The following LASP1 variants were observed in gnomAD, a reference collection of about 807,000 sequenced individuals.
LASP1 encodes LIM and SH3 domain protein 1.
In LASP1, 10 loss-of-function variants were observed where a neutral mutation model predicts 38.6. The observed-to-expected ratio is 0.26, with a 90% CI of 0.16 to 0.44. LASP1 has a LOEUF of 0.44. LASP1 is among the 20% of genes least tolerant of loss of function. The probability of loss-of-function intolerance (pLI) is 1.00; values close to 1 mark genes in which losing one functional copy is unlikely to be tolerated. For synonymous variants in LASP1, 132 were observed against 140.8 expected (o/e 0.94, Z 0.44); for missense variants, 243 against 375.7 (o/e 0.65, Z 2.92).
At chr17:38,904,132 C>T (rs1386360842) in intron 4 of LASP1, among the ~76,000 whole-genome samples, 1 of 152,110 alleles carries the variant, frequency 6.6e-6, no homozygotes, top group Admixed American at 6.5e-5. Context: ...GGCAGGTATA[C>T]CATACATTGT....
intron 2 of LASP1, among the ~76,000 whole-genome samples, chr17:38,889,066 G>A (rs1250542619): frequency 6.6e-6 from 1 of 152,184 alleles, no homozygotes; most frequent in Non-Finnish European, 1.5e-5. Context: ...GTGAGAATTC[G>A]GTGAACTAGG....
At chr17:38,916,989 G>A (rs578093546) in intron 6 of LASP1, among the ~76,000 whole-genome samples, 37 of 152,332 alleles carry the variant, frequency 2.4e-4, no homozygotes, top group African/African-American at 8.7e-4. Flanking sequence ...AAAGTTCAGG[G>A]AGCAGCAGGA....
At chr17:38,884,687 CTTTT>C (rs1202417090) in intron 2 of LASP1, among the ~76,000 whole-genome samples, 2 of 102,916 alleles carry the variant, frequency 1.9e-5, no homozygotes, top group Admixed American at 2.1e-4. Flanking sequence ...CCACGTCCGG[CTTTT>C]TTTTTTTTTT....
At chr17:38,873,456 C>T (rs1913667519) in intron 1 of LASP1, among the ~76,000 whole-genome samples, 1 of 152,190 alleles carries the variant, frequency 6.6e-6, no homozygotes, top group Non-Finnish European at 1.5e-5. Context: ...GGCTCATCTC[C>T]CTCTCTTAGA....
intron 2 of LASP1, among the ~76,000 whole-genome samples, chr17:38,880,928 ACTCGT>A (rs1400683034): frequency 2.6e-5 from 4 of 151,930 alleles, no homozygotes; most frequent in Non-Finnish European, 5.9e-5. Context: ...ACATGGTGAA[ACTCGT>A]CTCTACTAAA....
chr17:38,885,135 T>C (rs975545604), intron 2 of LASP1, among the ~76,000 whole-genome samples: 4 of 152,170 alleles, frequency 2.6e-5, no homozygotes, highest in African/African-American at 9.7e-5. Context: ...AAGCACATCT[T>C]TCCCCAGAAC....
At chr17:38,882,876 C>T (rs1913995748) in intron 2 of LASP1, among the ~76,000 whole-genome samples, 1 of 152,146 alleles carries the variant, frequency 6.6e-6, no homozygotes, top group African/African-American at 2.4e-5. Flanking sequence ...CACCTTTCCC[C>T]TCTTCTCTGA....
At chr17:38,897,203 A>G (rs1914513703) in intron 3 of LASP1, 8 of 507,590 alleles carry the variant, frequency 1.6e-5, no homozygotes, top group Non-Finnish European at 2.0e-5. Context: ...CACATGGATG[A>G]GTGACTGGGG....
At chr17:38,894,708 C>A (rs1288650162) in intron 3 of LASP1, among the ~76,000 whole-genome samples, 1 of 152,084 alleles carries the variant, frequency 6.6e-6, no homozygotes, top group African/African-American at 2.4e-5. Context: ...ATCAGCTCTC[C>A]TCTCCATCTG....
intron 4 of LASP1, among the ~76,000 whole-genome samples, chr17:38,905,571 G>A (rs1222905229): frequency 6.8e-6 from 1 of 147,388 alleles, no homozygotes; most frequent in East Asian, 2.0e-4. Context: ...TCAACTTTAC[G>A]AGATAATGCG....
At chr17:38,901,794 C>T (rs942207097) in intron 4 of LASP1, among the ~76,000 whole-genome samples, 3 of 152,086 alleles carry the variant, frequency 2.0e-5, no homozygotes, top group Non-Finnish European at 2.9e-5. Context: ...GAGACGGAGC[C>T]TTGGTTTATC....
intron 2 of LASP1, among the ~76,000 whole-genome samples, chr17:38,883,540 C>G (rs1914012129): frequency 2.0e-5 from 3 of 152,068 alleles, no homozygotes; most frequent in African/African-American, 7.3e-5. Flanking sequence ...AATGGCCAGC[C>G]CAAGTAGCCA....
chr17:38,913,265 G>C (rs536726774), intron 4 of LASP1, among the ~76,000 whole-genome samples: 5 of 152,322 alleles, frequency 3.3e-5, no homozygotes, highest in Admixed American at 2.0e-4. Flanking sequence ...GTGGTCCTGA[G>C]GGATATGACT....
At chr17:38,911,574 G>A (rs902955885) in intron 4 of LASP1, among the ~76,000 whole-genome samples, 2 of 152,200 alleles carry the variant, frequency 1.3e-5, no homozygotes, top group African/African-American at 4.8e-5. Context: ...GTGCTGCTGA[G>A]GGAGTGGGCT....
At chr17:38,909,531 C>T (rs1457701984) in intron 4 of LASP1, among the ~76,000 whole-genome samples, 9 of 151,760 alleles carry the variant, frequency 5.9e-5, no homozygotes, top group South Asian at 4.2e-4. Context: ...CACTTGAACC[C>T]GGGAGGCAGA....
intron 2 of LASP1, among the ~76,000 whole-genome samples, chr17:38,887,323 C>G (rs561161619): frequency 2.0e-5 from 3 of 152,054 alleles, no homozygotes; most frequent in Non-Finnish European, 4.4e-5. Context: ...AGGGTCGTCT[C>G]GTCTCTGAAG....
intron 1 of LASP1, among the ~76,000 whole-genome samples, chr17:38,875,364 A>G (rs1913739387): frequency 7.0e-6 from 1 of 142,044 alleles, no homozygotes; most frequent in Non-Finnish European, 1.5e-5. Context: ...TGGGGTATGC[A>G]CCACTTCAGG....
intron 4 of LASP1, among the ~76,000 whole-genome samples, chr17:38,913,141 A>G (rs687255): frequency 0.34 from 51,806 of 151,848 alleles, 8,949 homozygotes; most frequent in Middle Eastern, 0.51. Flanking sequence ...ATGAGGCCCA[A>G]CTCAAGACTC....
At chr17:38,882,665 G>A (rs1237012031) in intron 2 of LASP1, among the ~76,000 whole-genome samples, 2 of 152,216 alleles carry the variant, frequency 1.3e-5, no homozygotes, top group Non-Finnish European at 1.5e-5. Context: ...TTCCAAAAGT[G>A]GGGCAGATCA....
Sources: allele counts gnomAD v4.1 joint callset (sites outside exome capture counted in the v4.1 genomes callset), GRCh38; gene constraint gnomAD v4.1.1; transcripts MANE v1.5; gene names NCBI Gene and HGNC (gene_info 2026-07-23, HGNC 2026-07-21).